The following KDM4C variants were observed in gnomAD, a reference collection of about 807,000 sequenced individuals.
KDM4C encodes the protein lysine-specific demethylase 4C.
A neutral mutation model predicts 129.3 loss-of-function variants in KDM4C; 81 were observed. The observed-to-expected ratio is 0.63, with a 90% CI of 0.52 to 0.75. KDM4C has a LOEUF of 0.75. Ranked by LOEUF, KDM4C falls within the 30% of genes least tolerant of loss-of-function variation. The pLI is 0.00. For missense variants in KDM4C, 1,457 were observed against 1,304.0 expected, an observed-to-expected ratio of 1.12 and a Z score of -1.81; for synonymous variants, 573 against 456.1, an observed-to-expected ratio of 1.26 and a Z score of -3.26.
intron 18 of KDM4C, among the ~76,000 whole-genome samples, chr9:7,120,694 G>C (rs949124584): frequency 1.3e-5 from 2 of 152,166 alleles, no homozygotes; most frequent in Non-Finnish European, 2.9e-5. Context: ...AATATGAGAT[G>C]TAGGTAAGTC....
chr9:6,804,349 A>G (rs908605594), intron 2 of KDM4C, among the ~76,000 whole-genome samples: 2 of 152,218 alleles, frequency 1.3e-5, no homozygotes, highest in African/African-American at 4.8e-5. Flanking sequence ...GTACTATGCC[A>G]TGGACACAGG....
At chr9:6,835,668 GTTTTGTTTTGT>G (rs1835751813) in intron 4 of KDM4C, 3 of 725,742 alleles carry the variant, frequency 4.1e-6, no homozygotes, top group Non-Finnish European at 7.5e-6. Context: ...TTTATTTTTT[GTTTTGTTTTGT>G]TTTTGTTTTT....
chr9:7,112,278 G>T (rs1286386979), intron 18 of KDM4C, among the ~76,000 whole-genome samples: 2 of 152,114 alleles, frequency 1.3e-5, no homozygotes, highest in Non-Finnish European at 2.9e-5. Context: ...ATTCTACAGT[G>T]GATGGTCCCA....
chr9:6,874,775 A>C (rs931910613), intron 5 of KDM4C, among the ~76,000 whole-genome samples: 1 of 152,128 alleles, frequency 6.6e-6, no homozygotes, highest in Admixed American at 6.5e-5. Context: ...AGGATGAAGC[A>C]TGGGGAGACC....
intron 15 of KDM4C, among the ~76,000 whole-genome samples, chr9:7,030,270 A>C (rs1303524546): frequency 6.6e-6 from 1 of 152,202 alleles, no homozygotes; most frequent in East Asian, 1.9e-4. Context: ...GAAATATAGA[A>C]GAATAACATG....
chr9:6,957,598 C>T (rs1362393614), intron 8 of KDM4C, among the ~76,000 whole-genome samples: 1 of 152,092 alleles, frequency 6.6e-6, no homozygotes, highest in Non-Finnish European at 1.5e-5. Flanking sequence ...CATAAGAGAT[C>T]AAACGTGGAG....
chr9:6,912,456 C>T (rs1285877509), intron 8 of KDM4C, among the ~76,000 whole-genome samples: 1 of 152,188 alleles, frequency 6.6e-6, no homozygotes. Context: ...CCAGGAAGCT[C>T]ATAGTCCTGG....
At chr9:6,985,824 G>C (rs1817595809) in intron 10 of KDM4C, among the ~76,000 whole-genome samples, 1 of 152,068 alleles carries the variant, frequency 6.6e-6, no homozygotes, top group Admixed American at 6.5e-5. Flanking sequence ...CTGAGTATCT[G>C]GGACTAAAGG....
chr9:7,129,638 T>A (rs1339610970), intron 19 of KDM4C, among the ~76,000 whole-genome samples: 1 of 152,156 alleles, frequency 6.6e-6, no homozygotes, highest in Admixed American at 6.5e-5. Flanking sequence ...CCTTGCTCAG[T>A]CTTGGTGGGA....
At chr9:6,984,795 A>G (rs1341694268) in intron 10 of KDM4C, among the ~76,000 whole-genome samples, 3 of 141,320 alleles carry the variant, frequency 2.1e-5, no homozygotes, top group Non-Finnish European at 4.6e-5. Context: ...TTAAGAAGAA[A>G]ATAAAGATCA....
At chr9:7,090,081 A>T (rs1293205746) in intron 17 of KDM4C, among the ~76,000 whole-genome samples, 1 of 152,174 alleles carries the variant, frequency 6.6e-6, no homozygotes, top group Non-Finnish European at 1.5e-5. Flanking sequence ...CAGCCCTTCC[A>T]GCTCCCTCAT....
At chr9:7,112,862 A>C (rs962938687) in intron 18 of KDM4C, among the ~76,000 whole-genome samples, 14 of 152,184 alleles carry the variant, frequency 9.2e-5, no homozygotes, top group African/African-American at 3.4e-4. Flanking sequence ...TAGTGTCTCT[A>C]AGATCCTGGG....
At chr9:6,779,832 A>C (rs1343100447) in intron 1 of KDM4C, among the ~76,000 whole-genome samples, 1 of 152,238 alleles carries the variant, frequency 6.6e-6, no homozygotes, top group African/African-American at 2.4e-5. Context: ...GATGTGCATC[A>C]CATGGAGGTT....
intron 12 of KDM4C, among the ~76,000 whole-genome samples, chr9:6,992,370 G>C (rs747109709): frequency 2.0e-5 from 3 of 152,176 alleles, no homozygotes; most frequent in Non-Finnish European, 4.4e-5. Flanking sequence ...TGATGAAGTC[G>C]TCTCAAGGGT....
rs948299842 is a variant in KDM4C at position 6,849,540 on chromosome 9, A to G, written c.469A>G (p.Thr157Ala). The change falls in exon 5 of 22, where the codon ACA becomes GCA. Residue 157 changes from threonine (T) to alanine (A), a missense_variant. Thr to Ala is a moderately conservative substitution (Grantham distance 58). Coordinates refer to ENST00000381309, the MANE Select transcript of KDM4C (RefSeq NM_015061.6). ...TGAATGGAACATAGCTCGCCTCAAT[A>G]CAGTCTTGGATGTGGTTGAAGAAGA... ...VDEWNIARLN[T>A]VLDVVEEECG... is the part of the protein sequence containing the mutation. The G allele has an allele frequency of 1.9e-6, 3 of 1,609,082 alleles. No homozygotes were observed. The highest frequency in any genetic ancestry group is 1.7e-6 in the Non-Finnish European group (2 of 1,176,368).
chr9:6,732,165 G>C (rs558632899), intron 1 of KDM4C, among the ~76,000 whole-genome samples: 12 of 151,610 alleles, frequency 7.9e-5, no homozygotes, highest in Non-Finnish European at 2.9e-5. Context: ...AGGAGATTGA[G>C]ACCATCCTGG....
At chr9:6,771,561 T>G (rs572638998) in intron 1 of KDM4C, among the ~76,000 whole-genome samples, 175 of 151,778 alleles carry the variant, frequency 1.2e-3, no homozygotes, top group Non-Finnish European at 1.6e-3. Flanking sequence ...TCCACCTGCC[T>G]TGGCCTCACA....
intron 8 of KDM4C, among the ~76,000 whole-genome samples, chr9:6,904,858 TGTGGC>T (rs1818026909): frequency 6.6e-6 from 1 of 152,102 alleles, no homozygotes; most frequent in Admixed American, 6.6e-5. Context: ...TCAACAGTTT[TGTGGC>T]AATGGGAAAT....
At chr9:6,759,830 G>A (rs1237555377) in intron 1 of KDM4C, among the ~76,000 whole-genome samples, 1 of 151,496 alleles carries the variant, frequency 6.6e-6, no homozygotes, top group Non-Finnish European at 1.5e-5. Flanking sequence ...GCAGGCGCCT[G>A]TAATCCCAGC....
Sources: allele counts gnomAD v4.1 joint callset (sites outside exome capture counted in the v4.1 genomes callset), GRCh38; gene constraint gnomAD v4.1.1; transcripts MANE v1.5; gene names NCBI Gene and HGNC (gene_info 2026-07-23, HGNC 2026-07-21).